The following IFT172 variants were observed in gnomAD, a reference collection of about 807,000 sequenced individuals.
IFT172 encodes intraflagellar transport protein 172 homolog.
In IFT172, 164 loss-of-function variants were observed where a neutral mutation model predicts 248.9. The observed-to-expected ratio is 0.66, with a 90% CI of 0.58 to 0.75. The LOEUF is 0.75. Among genes scored for constraint, IFT172 ranks in the 30% least tolerant of loss-of-function variants. The probability of loss-of-function intolerance (pLI) is 0.00; values close to 1 mark genes in which losing one functional copy is unlikely to be tolerated. For missense variants in IFT172, 1,950 were observed against 2,192.4 expected (o/e 0.89, Z 2.21); for synonymous variants, 729 against 791.6 (o/e 0.92, Z 1.33).
At chr2:27,471,394 C>T (rs1000882971) in intron 15 of IFT172, 2 of 264,800 alleles carry the variant, frequency 7.6e-6, no homozygotes, top group South Asian at 1.8e-4. Context: ...AAATGGCAGG[C>T]CACTAGAAAA....
Position 27,461,067 on chromosome 2 carries a change from G to A in IFT172, c.2469C>T (p.His823=). The A allele has an allele frequency of 6.2e-7, 1 of 1,614,112 alleles. No individual in the cohort carries two copies. Residue 823 remains histidine (H), a synonymous_variant, in exon 23 of 48, where the codon CAC becomes CAT. Transcript: ENST00000260570. ...AGCACTCCAGGGCCTTCTGTGGATT[G>A]TGAATCTTCTCAAAGAGATCACCTG... is the stretch of plus-strand genomic sequence containing the variant. ...ERAGDLFEKI[H]NPQKALECYR...
At chr2:27,477,749 A>T in intron 11 of IFT172, 137 bp from the exon 12 acceptor site, 1 of 791,558 alleles carries the variant, frequency 1.3e-6, no homozygotes, top group Non-Finnish European at 2.1e-6. Context: ...GTGCTGTATC[A>T]GAATCTGCTC....
At chr2:27,489,510 C>T in intron 1 of IFT172, 105 bp downstream of exon 1, 2 of 814,232 alleles carry the variant, frequency 2.5e-6, no homozygotes, top group Non-Finnish European at 4.1e-6. Context: ...ATATCCCTTA[C>T]AGCCTTCTGC....
In IFT172 at chr2:27,447,831, C is replaced by T. The variant is rs781360062; in HGVS notation, c.4520G>A (p.Arg1507Gln). Residue 1507 changes from arginine to glutamine, a missense_variant, in exon 41 of 48, where the codon CGA becomes CAA. Physicochemically the swap from Arg to Gln is conservative, Grantham distance 43. Transcript: ENST00000260570. ...AEAYHSWADL[R>Q]DVLFNLCENL... ...CCTCACCAGGTTGAAGAGGACATCT[C>T]GAAGATCAGCCCAGCTATGATAGGC... 5 of 1,613,066 alleles carry T rather than the reference C, an allele frequency of 3.1e-6. No individual in the cohort carries two copies. Among genetic ancestry groups the T allele is most frequent in the African/African-American group, 2.7e-5 (2 of 74,898 alleles).
chr2:27,477,536 A>G (rs750549106), intron 12 of IFT172, 23 bp downstream of exon 12: 14 of 1,548,884 alleles, frequency 9.0e-6, no homozygotes, highest in Non-Finnish European at 1.2e-5. Flanking sequence ...CAAGATGGTG[A>G]TGGTGAATCA....
chr2:27,485,229 T>G, intron 2 of IFT172, 99 bp from the exon 3 acceptor site: 1 of 1,483,412 alleles, frequency 6.7e-7, no homozygotes, highest in Non-Finnish European at 9.3e-7. Context: ...TAAGGGAGCT[T>G]GAGGATTTAT....
chr2:27,478,784 A>T (rs1008592912), intron 10 of IFT172, among the ~76,000 whole-genome samples: 3 of 152,206 alleles, frequency 2.0e-5, no homozygotes, highest in African/African-American at 7.2e-5. Flanking sequence ...ATGTATAATA[A>T]ATGGAAGGAC....
chr2:27,446,792 C>T (rs1324654827), intron 42 of IFT172, among the ~76,000 whole-genome samples: 4 of 147,802 alleles, frequency 2.7e-5, no homozygotes, highest in East Asian at 2.0e-4. Context: ...CTCCGCTTCC[C>T]GGGTTCACGC....
In IFT172 at chr2:27,455,579, C is replaced by T. The variant is rs563678992; in HGVS notation, c.3372-919G>A. 1.5e-4 allele frequency among the ~76,000 whole-genome samples: 23 copies of T among 152,106 alleles called. 1 individual carries two copies. The highest frequency in any genetic ancestry group is 1.1e-3 in the Admixed American group (17 of 15,294). Reference sequence around the variant, plus strand: ...CAAAAAAATTAGCCGGGCGTGGTGGCGGGCACCTGTAGTCCCAGCTACTCA... The same window carrying T: ...CAAAAAAATTAGCCGGGCGTGGTGGTGGGCACCTGTAGTCCCAGCTACTCA... On this transcript the variant is annotated intron_variant, in intron 30 of 47. Transcript: ENST00000260570.
chr2:27,479,681 A>C, intron 9 of IFT172, 77 bp from the exon 10 acceptor site: 2 of 976,670 alleles, frequency 2.0e-6, no homozygotes, highest in Non-Finnish European at 3.3e-6. Flanking sequence ...AGACATCCTC[A>C]AAACCTAAGC....
At chr2:27,478,977 T>G (rs1034297699) in intron 10 of IFT172, among the ~76,000 whole-genome samples, 2 of 152,164 alleles carry the variant, frequency 1.3e-5, no homozygotes, top group African/African-American at 4.8e-5. Flanking sequence ...TAAGTGGCAA[T>G]CTCTGCACAC....
chr2:27,458,695 G>T, intron 26 of IFT172, 84 bp downstream of exon 26: 1 of 1,488,722 alleles, frequency 6.7e-7, no homozygotes, highest in Non-Finnish European at 9.2e-7. Context: ...GGAGCCAAGC[G>T]AAGAGGAGAA....
intron 35 of IFT172, 118 bp downstream of exon 35, chr2:27,453,266 G>T: frequency 7.6e-7 from 1 of 1,313,884 alleles, no homozygotes; most frequent in Non-Finnish European, 1.1e-6. Flanking sequence ...ATAGATTCCT[G>T]CTACCTGATT....
intron 42 of IFT172, 61 bp from the exon 43 acceptor site, chr2:27,446,416 T>A (rs1665105372): frequency 1.4e-6 from 2 of 1,446,470 alleles, no homozygotes; most frequent in Non-Finnish European, 1.9e-6. Flanking sequence ...ACCAGACCAA[T>A]GATCCTGTAA....
rs1667530804 is a variant in IFT172 at position 27,471,079 on chromosome 2, A to G, written c.1541T>C (p.Ile514Thr). The G allele has an allele frequency of 1.2e-6, 2 of 1,609,832 alleles. No homozygotes were observed. Among genetic ancestry groups the G allele is most frequent in the Non-Finnish European group, 1.7e-6 (2 of 1,179,068 alleles). ...DRKLRLHLYD[I>T]ESCSKTMILN... ...GATCATTGTCTTAGAGCAGCTTTCA[A>G]TATCATACAGATGCAACTGAAGAAA... Residue 514 changes from isoleucine to threonine, a missense_variant, in exon 16 of 48, where the codon ATT becomes ACT. Around this residue, in one of 3 missense-constraint regions of IFT172, gnomAD observed 1,166 missense variants for 1,254.1 expected, o/e 0.93. Coordinates refer to ENST00000260570, the MANE Select transcript of IFT172 (RefSeq NM_015662.3).
At chr2:27,482,058 A>C (rs1668419062) in intron 7 of IFT172, among the ~76,000 whole-genome samples, 1 of 146,648 alleles carries the variant, frequency 6.8e-6, no homozygotes, top group Admixed American at 6.9e-5. Context: ...TTCTCACCTC[A>C]CTGCAACCTC....
At chr2:27,457,253 C>G (rs1441689959) in intron 29 of IFT172, among the ~76,000 whole-genome samples, 2 of 151,988 alleles carry the variant, frequency 1.3e-5, no homozygotes, top group Non-Finnish European at 2.9e-5. Flanking sequence ...ATGCTCTGAC[C>G]AATTGTGAAT....
intron 3 of IFT172, 116 bp from the exon 4 acceptor site, chr2:27,484,382 G>A: frequency 1.0e-6 from 1 of 1,002,754 alleles, no homozygotes; most frequent in Non-Finnish European, 1.5e-6. Flanking sequence ...ATGAGGTCAG[G>A]AGATCGAGAC....
At position 27,445,540 on chromosome 2, in the gene IFT172, T is replaced by C; in HGVS notation, c.4915-91A>G. 7.0e-7 allele frequency: 1 copy of C among 1,423,508 alleles called. No homozygotes were observed. The highest frequency in any genetic ancestry group is 9.5e-7 in the Non-Finnish European group (1 of 1,047,162). The allele number at this position is 1,423,508 out of a possible 1,614,324, so 88.2% of individuals were successfully genotyped here. ...GGTGAGGAGGGGGTTTGCTAAGCCCTCATCCTGTATACCAGCTTTTAGCCA... is the reference window on the plus strand; with the variant it reads ...GGTGAGGAGGGGGTTTGCTAAGCCCCCATCCTGTATACCAGCTTTTAGCCA... On this transcript the variant is annotated intron_variant, in intron 45 of 47. Transcript: ENST00000260570. This position sits in a 1 kb window ranked among gnomAD's most constrained non-coding sequence, Gnocchi z 4.4.
Sources: allele counts gnomAD v4.1 joint callset (sites outside exome capture counted in the v4.1 genomes callset), GRCh38; gene constraint gnomAD v4.1.1; regional missense constraint gnomAD v4.1.1; non-coding constraint Gnocchi (gnomAD v3.1); transcripts MANE v1.5; gene names NCBI Gene and HGNC (gene_info 2026-07-23, HGNC 2026-07-21).